The following FMNL2 variants were observed in gnomAD, a reference collection of about 807,000 sequenced individuals.
The protein encoded by FMNL2 is formin-like protein 2.
FMNL2 carries 51 observed loss-of-function variants against 130.2 expected under a neutral mutation model. The observed-to-expected ratio is 0.39, with a 90% CI of 0.31 to 0.49. FMNL2 has a LOEUF of 0.49. Among genes scored for constraint, FMNL2 ranks in the 20% least tolerant of loss-of-function variants. The pLI, the probability that FMNL2 is intolerant of heterozygous loss-of-function variation, is 0.85. For missense variants in FMNL2, 977 were observed against 1,316.2 expected (o/e 0.74, Z 3.99); for synonymous variants, 465 against 467.1 (o/e 1.00, Z 0.06).
At chr2:152,443,550 G>C (rs1432004333) in intron 1 of FMNL2, among the ~76,000 whole-genome samples, 1 of 152,086 alleles carries the variant, frequency 6.6e-6, no homozygotes, top group African/African-American at 2.4e-5. Context: ...GTTTAGAAGG[G>C]AGGAGAGTAG....
rs1452746443 is a variant in FMNL2 at position 152,640,003 on chromosome 2, C to T, written c.2992C>T (p.Leu998Phe). 1.9e-6 allele frequency: 3 copies of T among 1,558,950 alleles called. No homozygotes were observed. In the African/African-American group the frequency reaches 4.1e-5, roughly 21 times the overall value. ...NELRKKQEQALMEKLLEQEAL... is the reference protein window; with the variant it reads ...NELRKKQEQAFMEKLLEQEAL... ...GCTGAGGAAAAAGCAGGAACAAGCT[C>T]TCATGGAAAAACTCCTAGAGCAAGA... The change falls in exon 24 of 26, where the codon CTC (leucine) becomes TTC (phenylalanine). Residue 998 changes from leucine (L) to phenylalanine (F), a missense_variant. Transcript: ENST00000288670.
chr2:152,395,145 C>T (rs1482122581), intron 1 of FMNL2, among the ~76,000 whole-genome samples: 1 of 152,184 alleles, frequency 6.6e-6, no homozygotes, highest in Non-Finnish European at 1.5e-5. Context: ...CTTTGGTTCA[C>T]AGTAGACAGT....
intron 9 of FMNL2, among the ~76,000 whole-genome samples, chr2:152,593,505 A>C (rs1697546254): frequency 6.6e-6 from 1 of 152,200 alleles, no homozygotes; most frequent in Admixed American, 6.5e-5. Context: ...TCAGTTGTCA[A>C]ATGACTCAGC....
Position 152,335,541 on chromosome 2 carries a change from TTC to T in FMNL2, c.-61_-60del, listed in dbSNP as rs1013884031. On this transcript the variant is annotated 5_prime_UTR_variant, in exon 1 of 26. Coordinates refer to ENST00000288670, the MANE Select transcript of FMNL2 (RefSeq NM_052905.4). ...GGCGGCAGCCGACCGCCGGGAGCTG[TTC>T]TGATTTCCGACGCGCACGCTAGGGG... The T allele has an allele frequency of 2.3e-4, 328 of 1,412,302 alleles. No homozygotes were observed. Among genetic ancestry groups the T allele is most frequent in the Non-Finnish European group, 3.1e-4 (318 of 1,031,186 alleles). The allele number at this position is 1,412,302 out of a possible 1,614,324, so 87.5% of individuals were successfully genotyped here.
chr2:152,363,124 T>C (rs2105824188), intron 1 of FMNL2, among the ~76,000 whole-genome samples: 1 of 152,338 alleles, frequency 6.6e-6, no homozygotes, highest in East Asian at 1.9e-4. Context: ...GATGGTTGCA[T>C]AACTCTGTGA....
intron 1 of FMNL2, among the ~76,000 whole-genome samples, chr2:152,393,322 G>A (rs1037917712): frequency 6.6e-6 from 1 of 152,168 alleles, no homozygotes; most frequent in Non-Finnish European, 1.5e-5. Flanking sequence ...AAAACAGAGG[G>A]AAACCTATGA....
rs1159885879 is a variant in FMNL2, at chr2:152,617,095, C to T, written c.1217C>T (p.Ser406Phe). 2 of 1,613,696 alleles carry T rather than the reference C, an allele frequency of 1.2e-6. No individual in the cohort carries two copies. Among genetic ancestry groups the T allele is most frequent in the Non-Finnish European group, 8.5e-7 (1 of 1,179,776 alleles). Residue 406 changes from serine (S) to phenylalanine (F), a missense_variant, in exon 13 of 26, where the codon TCT becomes TTT. Ser to Phe is a radical substitution (Grantham distance 155, BLOSUM62 -2). Coordinates refer to ENST00000288670, the MANE Select transcript of FMNL2 (RefSeq NM_052905.4). ...TTTCTTTTCAAAATTTTACAGTTAT[C>T]TGAAAAACTGCAAGACACAGAGAAT... ...EELEENISHL[S>F]EKLQDTENEA...
At position 152,601,667 on chromosome 2, in the gene FMNL2, C is replaced by CTTTTTTTTTTTTTTTTTTTTTT. The variant is rs36031692; in HGVS notation, c.877-5669_877-5668insTTTTTTTTTTTTTTTTTTTTTT. ...CTAAGGCTCTCTTTTCTTTTCTTTTCTTTCTTTTTTTTTTTTTTTTGAGAC... is the reference window on the plus strand; with the variant it reads ...CTAAGGCTCTCTTTTCTTTTCTTTTCTTTTTTTTTTTTTTTTTTTTTTTTTCTTTTTTTTTTTTTTTTGAGAC... On this transcript the variant is annotated intron_variant, in intron 9 of 25. Transcript: ENST00000288670. Among the ~76,000 whole-genome samples the CTTTTTTTTTTTTTTTTTTTTTT allele has an allele frequency of 1.5e-5, 2 of 132,240 alleles. 1 individual carries two copies. The highest frequency in any genetic ancestry group is 6.2e-5 in the African/African-American group (2 of 32,250). 86.8% of individuals were successfully genotyped at this position (132,240 alleles called of 152,430 possible). A position where few individuals can be genotyped will look rare whatever the true frequency, so the allele number is the denominator to read the frequency against.
intron 1 of FMNL2, among the ~76,000 whole-genome samples, chr2:152,466,230 G>A (rs922873816): frequency 1.1e-4 from 17 of 152,180 alleles, no homozygotes; most frequent in African/African-American, 3.1e-4. Flanking sequence ...CGGACACCAC[G>A]TGTGCCCTCC....
chr2:152,478,093 T>C (rs1306123634), intron 1 of FMNL2, among the ~76,000 whole-genome samples: 1 of 151,894 alleles, frequency 6.6e-6, no homozygotes, highest in Non-Finnish European at 1.5e-5. Flanking sequence ...AACCACAGTA[T>C]ATAAAATAGT....
intron 1 of FMNL2, among the ~76,000 whole-genome samples, chr2:152,453,504 T>C (rs990121890): frequency 2.6e-5 from 4 of 152,172 alleles, no homozygotes; most frequent in Non-Finnish European, 4.4e-5. Context: ...AGGACGCTTG[T>C]TTTGTCCCCT....
chr2:152,577,487 A>G (rs1326201277), intron 7 of FMNL2, among the ~76,000 whole-genome samples: 1 of 152,180 alleles, frequency 6.6e-6, no homozygotes, highest in Non-Finnish European at 1.5e-5. Context: ...TTAGCATATA[A>G]ATGGCATAGG....
chr2:152,499,450 C>A (rs1204108605), intron 1 of FMNL2, among the ~76,000 whole-genome samples: 1 of 152,094 alleles, frequency 6.6e-6, no homozygotes, highest in African/African-American at 2.4e-5. Flanking sequence ...TTGGGGATTT[C>A]ATATAACATA....
intron 1 of FMNL2, among the ~76,000 whole-genome samples, chr2:152,349,525 T>C (rs539157278): frequency 6.6e-6 from 1 of 152,360 alleles, no homozygotes; most frequent in African/African-American, 2.4e-5. Flanking sequence ...ATTAAATGTA[T>C]GCTTCTTGTT....
chr2:152,576,241 C>A (rs1032723619), intron 7 of FMNL2, among the ~76,000 whole-genome samples: 1 of 151,994 alleles, frequency 6.6e-6, no homozygotes. Flanking sequence ...TGCATTTATT[C>A]TTTCCATTTT....
rs190856984 is a variant in FMNL2, at chr2:152,407,212, T to C, written c.117+71492T>C. Among the ~76,000 whole-genome samples the C allele has an allele frequency of 2.0e-5, 3 of 151,786 alleles. No homozygotes were observed. In the East Asian group the frequency reaches 5.8e-4, roughly 29 times the overall value. On this transcript the variant is annotated intron_variant, in intron 1 of 25. Transcript: ENST00000288670. ...TTTCTGTTTTTGTTTTTTTTTTCTT[T>C]CCCCCTGAAGCTTCAGAATGTCATT...
At position 152,647,830 on chromosome 2, in the gene FMNL2, G is replaced by C. The variant is rs763286520; in HGVS notation, c.3204G>C (p.Ala1068=). ...LRNQPYRRAD[A]VRRSVRRRFD... ...ACCAACCATACAGACGAGCCGATGC[G>C]GTGAGGAGAAGCGTCAGGCGGCGCT... The change falls in exon 26 of 26, where the codon GCG becomes GCC. Residue 1068 remains alanine (A), a synonymous_variant. Coordinates refer to ENST00000288670, the MANE Select transcript of FMNL2 (RefSeq NM_052905.4). 6 of 1,613,922 alleles carry C rather than the reference G, an allele frequency of 3.7e-6. No homozygotes were observed. The East Asian group carries it at 1.1e-4, about 30-fold the overall frequency.
intron 1 of FMNL2, among the ~76,000 whole-genome samples, chr2:152,361,040 AT>A (rs1683136967): frequency 1.3e-5 from 2 of 152,232 alleles, no homozygotes; most frequent in African/African-American, 2.4e-5. Flanking sequence ...GTGGGGAATA[AT>A]TAAGACTCAA....
At chr2:152,533,787 A>AT (rs1693839075) in intron 2 of FMNL2, among the ~76,000 whole-genome samples, 1 of 152,018 alleles carries the variant, frequency 6.6e-6, no homozygotes, top group Admixed American at 6.5e-5. Context: ...TCTTGCAGGA[A>AT]TTTTTTGACA....
Sources: allele counts gnomAD v4.1 joint callset (sites outside exome capture counted in the v4.1 genomes callset), GRCh38; gene constraint gnomAD v4.1.1; transcripts MANE v1.5; gene names NCBI Gene and HGNC (gene_info 2026-07-23, HGNC 2026-07-21).